SLC6A3: variants seen among roughly 807,000 people sequenced by gnomAD.
SLC6A3 encodes the protein solute carrier family 6 member 3, also known as sodium-dependent dopamine transporter.
Under a neutral mutation model 70.4 loss-of-function variants are expected in SLC6A3, and 19 were observed. The observed-to-expected ratio is 0.27, with a 90% CI of 0.19 to 0.40. The LOEUF (loss-of-function observed/expected upper bound fraction) is 0.40, where lower values mean the gene tolerates loss of function less well. Among genes scored for constraint, SLC6A3 ranks in the 10% least tolerant of loss-of-function variants. SLC6A3 has a pLI of 1.00. For missense variants in SLC6A3, 613 were observed against 838.5 expected, an observed-to-expected ratio of 0.73 and a Z score of 3.32; for synonymous variants, 368 against 356.6, an observed-to-expected ratio of 1.03 and a Z score of -0.36.
intron 11 of SLC6A3, among the ~76,000 whole-genome samples, chr5:1,407,355 G>C (rs1756008089): frequency 6.6e-6 from 1 of 151,146 alleles, no homozygotes. Context: ...AGGCAGCGGG[G>C]ATGCAGAGAG....
At chr5:1,422,629 G>A (rs1346382059) in intron 4 of SLC6A3, among the ~76,000 whole-genome samples, 4 of 55,046 alleles carry the variant, frequency 7.3e-5, no homozygotes, top group East Asian at 7.5e-4. Flanking sequence ...GGTGCCCACC[G>A]CTGCCCAGTG....
In SLC6A3 at chr5:1,443,204, A is replaced by G. The variant is rs372224661; in HGVS notation, c.-7T>C. On this transcript the variant is annotated 5_prime_UTR_variant, in exon 2 of 15. Transcript: ENST00000270349. ...AGCATTTGCTCTTACTCATGGGCAC[A>G]CTGGGAGTTGAGGAATTCTGTGCTT... 10 of 1,614,058 alleles carry G rather than the reference A, an allele frequency of 6.2e-6. No individual in the cohort carries two copies. The highest frequency in any genetic ancestry group is 6.8e-6 in the Non-Finnish European group (8 of 1,179,996).
intron 4 of SLC6A3, among the ~76,000 whole-genome samples, chr5:1,423,790 A>G (rs464049): frequency 0.53 from 80,395 of 152,088 alleles, 21,979 homozygotes; most frequent in South Asian, 0.65. Context: ...TGGGGCCAAG[A>G]CAACTGTAAC....
At position 1,406,876 on chromosome 5, in the gene SLC6A3, C is replaced by G. The variant is rs554593073; in HGVS notation, c.1499-588G>C. 3.9e-5 allele frequency among the ~76,000 whole-genome samples: 6 copies of G among 152,132 alleles called. No individual in the cohort carries two copies. The highest frequency in any genetic ancestry group is 7.4e-5 in the Non-Finnish European group (5 of 68,026). ...GAATGTGACTCCTGTGGGAACCTCC[C>G]GTCAGTGGAGTCACGTGGCACGGGG... On this transcript the variant is annotated intron_variant, in intron 11 of 14. Transcript: ENST00000270349. This position sits in a 1 kb window ranked among gnomAD's most constrained non-coding sequence, Gnocchi z 8.8.
intron 7 of SLC6A3, 24 bp from the exon 8 acceptor site, chr5:1,414,839 T>C: frequency 3.7e-6 from 6 of 1,612,680 alleles, no homozygotes; most frequent in Non-Finnish European, 5.1e-6. Flanking sequence ...ACACGCCGTC[T>C]CAGGAACCAG....
chr5:1,419,828 C>G (rs1193328940), intron 6 of SLC6A3, among the ~76,000 whole-genome samples: 1 of 150,244 alleles, frequency 6.7e-6, no homozygotes, highest in East Asian at 2.0e-4. Context: ...CTCATAGGTG[C>G]CATGTCCAGG....
Position 1,413,924 on chromosome 5 carries a change from A to C in SLC6A3, c.1156+767T>G, listed in dbSNP as rs1756187160. On this transcript the variant is annotated intron_variant, in intron 8 of 14. Coordinates refer to ENST00000270349, the MANE Select transcript of SLC6A3 (RefSeq NM_001044.5). The surrounding 1 kb of genome is among the most constrained non-coding windows in gnomAD (Gnocchi z 7.1). ...TCCTGCCGGCTCCATCCTGCCTGGC[A>C]CACTTCTTGCTGTGGCCAAGGCCTC... Among the ~76,000 whole-genome samples the C allele has an allele frequency of 2.0e-5, 3 of 152,034 alleles. No homozygotes were observed. In the South Asian group the frequency reaches 6.2e-4, roughly 32 times the overall value.
rs1287642985 is a variant in SLC6A3, at chr5:1,402,802, T to G, written c.1767+120A>C. On this transcript the variant is annotated intron_variant, in intron 13 of 14. Transcript: ENST00000270349. This position sits in a 1 kb window ranked among gnomAD's most constrained non-coding sequence, Gnocchi z 8.5. Reference sequence around the variant, plus strand: ...CACACACAGTGTTGTGGTGGCCACCTCCAGTCTCCTCCTCTTGGTCACAGA... The same window carrying G: ...CACACACAGTGTTGTGGTGGCCACCGCCAGTCTCCTCCTCTTGGTCACAGA... The G allele has an allele frequency of 3.9e-6, 4 of 1,035,742 alleles. No individual in the cohort carries two copies. The highest frequency in any genetic ancestry group is 1.6e-5 in the African/African-American group (1 of 62,976). 64.2% of individuals were successfully genotyped at this position (1,035,742 alleles called of 1,614,324 possible).
intron 14 of SLC6A3, among the ~76,000 whole-genome samples, 189 bp downstream of exon 14, chr5:1,400,726 C>A (rs1257208407): frequency 6.6e-6 from 1 of 152,194 alleles, no homozygotes; most frequent in South Asian, 2.1e-4. Flanking sequence ...CGTCATGTGC[C>A]CCCCGTCCCG....
chr5:1,399,644 C>T (rs1056185164), intron 14 of SLC6A3, among the ~76,000 whole-genome samples: 1 of 152,178 alleles, frequency 6.6e-6, no homozygotes, highest in African/African-American at 2.4e-5. Flanking sequence ...TGGGGAGGGG[C>T]TGGCATCCTC....
Position 1,414,189 on chromosome 5 carries a change from A to G in SLC6A3, c.1156+502T>C, listed in dbSNP as rs373086219. 5.3e-4 allele frequency among the ~76,000 whole-genome samples: 80 copies of G among 151,846 alleles called. No individual in the cohort carries two copies. The East Asian group carries it at 0.011, about 21-fold the overall frequency. On this transcript the variant is annotated intron_variant, in intron 8 of 14. Coordinates refer to ENST00000270349, the MANE Select transcript of SLC6A3 (RefSeq NM_001044.5). ...TCATTCCTCCCCTTCCCTGAGCTGCATGTTCCCACACCGCGTGGCAAGCAA... is the reference window on the plus strand; with the variant it reads ...TCATTCCTCCCCTTCCCTGAGCTGCGTGTTCCCACACCGCGTGGCAAGCAA...
intron 8 of SLC6A3, among the ~76,000 whole-genome samples, chr5:1,412,331 G>A (rs960937150): frequency 2.6e-5 from 4 of 152,250 alleles, no homozygotes; most frequent in Non-Finnish European, 5.9e-5. Flanking sequence ...GGGCCCTGAG[G>A]GCTCAGAGGA....
At position 1,405,095 on chromosome 5, in the gene SLC6A3, A is replaced by G. The variant is rs1404321885; in HGVS notation, c.1599+1093T>C. Among the ~76,000 whole-genome samples the G allele has an allele frequency of 6.6e-6, 1 of 152,204 alleles. No individual in the cohort carries two copies. The highest frequency in any genetic ancestry group is 1.5e-5 in the Non-Finnish European group (1 of 68,034). On this transcript the variant is annotated intron_variant, in intron 12 of 14. Coordinates refer to ENST00000270349, the MANE Select transcript of SLC6A3 (RefSeq NM_001044.5). The surrounding 1 kb of genome is among the most constrained non-coding windows in gnomAD (Gnocchi z 5.3). ...CTGTGTGCTATTAAAAGCCCGCCCC[A>G]TGAATCCAGGAACCTTCAACGGGAG... is the stretch of plus-strand genomic sequence containing the variant.
chr5:1,408,784 C>A lies in SLC6A3; in HGVS notation c.1498+242G>T, dbSNP rs1223962564. Among the ~76,000 whole-genome samples the A allele has an allele frequency of 6.6e-6, 1 of 152,332 alleles. No homozygotes were observed. Among genetic ancestry groups the A allele is most frequent in the African/African-American group, 2.4e-5 (1 of 41,572 alleles). On this transcript the variant is annotated intron_variant, in intron 11 of 14. Transcript: ENST00000270349. This position sits in a 1 kb window ranked among gnomAD's most constrained non-coding sequence, Gnocchi z 6.4. ...TCTAGCGTGGAGGAGGCAGAAGACG[C>A]CCAGCCGCTGTGAACACCTCTGACC...
rs757452695 is a variant in SLC6A3, at chr5:1,409,006, C to G, written c.1498+20G>C. 1 of 1,564,290 alleles carries G rather than the reference C, an allele frequency of 6.4e-7. No homozygotes were observed. The highest frequency in any genetic ancestry group is 1.4e-5 in the African/African-American group (1 of 73,988). On this transcript the variant is annotated intron_variant, in intron 11 of 14. Transcript: ENST00000270349. ...ACCAAACAAGAGGGTGCCGGCTTGG[C>G]TGCCTTCCCCCGGACTCACCATAGA...
At chr5:1,414,557 G>C (rs1247241574) in intron 8 of SLC6A3, 134 bp downstream of exon 8, 4 of 1,052,314 alleles carry the variant, frequency 3.8e-6, no homozygotes, top group Non-Finnish European at 5.6e-6. Flanking sequence ...TCCTTCAAGA[G>C]TGAGGCAGCA....
In SLC6A3 at chr5:1,396,381, G is replaced by A. The variant is rs191933076; in HGVS notation, c.1840-1623C>T. On this transcript the variant is annotated intron_variant, in intron 14 of 14. Transcript: ENST00000270349. The surrounding 1 kb of genome is among the most constrained non-coding windows in gnomAD (Gnocchi z 7.0). ...CCAGACCATGGACACCAGACCGTAA[G>A]GGTCAGTGGTCCCTGAGGGAAGCCA... 2.2e-4 allele frequency among the ~76,000 whole-genome samples: 34 copies of A among 152,360 alleles called. No homozygotes were observed. In the East Asian group the frequency reaches 5.6e-3, roughly 25 times the overall value.
chr5:1,395,757 C>T (rs1191134176), intron 14 of SLC6A3, among the ~76,000 whole-genome samples: 44 of 152,236 alleles, frequency 2.9e-4, no homozygotes, highest in Admixed American at 2.7e-3. Flanking sequence ...TTCAGGCCAG[C>T]GATGAAGAAG....
chr5:1,432,235 C>T (rs1302264973), intron 4 of SLC6A3, among the ~76,000 whole-genome samples: 1 of 152,144 alleles, frequency 6.6e-6, no homozygotes, highest in Non-Finnish European at 1.5e-5. Flanking sequence ...TGCTCAGTGC[C>T]CCATCCTTGC....
Sources: allele counts gnomAD v4.1 joint callset (sites outside exome capture counted in the v4.1 genomes callset), GRCh38; gene constraint gnomAD v4.1.1; non-coding constraint Gnocchi (gnomAD v3.1); transcripts MANE v1.5; gene names NCBI Gene and HGNC (gene_info 2026-07-23, HGNC 2026-07-21).